Variants in PTPN13 observed in about 807,000 individuals in gnomAD.
PTPN13 encodes the protein protein tyrosine phosphatase non-receptor type 13.
A neutral mutation model predicts 284.0 loss-of-function variants in PTPN13; 191 were observed. The ratio of observed to expected loss-of-function variants is 0.67; its 90% CI spans 0.60 to 0.76. PTPN13 has a LOEUF of 0.76. PTPN13 is among the 30% of genes least tolerant of loss of function. The pLI is 0.00. For synonymous variants in PTPN13, 986 were observed against 1,022.3 expected (o/e 0.96, Z 0.68); for missense variants, 2,797 against 2,939.9 (o/e 0.95, Z 1.12).
At chr4:86,696,117 AGTC>A (rs1730569576) in intron 6 of PTPN13, among the ~76,000 whole-genome samples, 1 of 151,966 alleles carries the variant, frequency 6.6e-6, no homozygotes, top group African/African-American at 2.4e-5. Flanking sequence ...GATTATACTG[AGTC>A]TATACCTACT....
chr4:86,604,699 C>T (rs1332666703), intron 1 of PTPN13, among the ~76,000 whole-genome samples: 1 of 151,748 alleles, frequency 6.6e-6, no homozygotes, highest in Non-Finnish European at 1.5e-5. Context: ...AAAATAGCAA[C>T]AATTAGAAAT....
At chr4:86,694,579 C>CAAAA (rs1000226646) in intron 6 of PTPN13, among the ~76,000 whole-genome samples, 169 of 30,830 alleles carry the variant, frequency 5.5e-3, no homozygotes, top group African/African-American at 8.0e-3. Flanking sequence ...ACTTCTGTCT[C>CAAAA]AAAAAAAAAA....
chr4:86,704,039 A>G (rs1731454392), intron 7 of PTPN13, among the ~76,000 whole-genome samples: 1 of 151,786 alleles, frequency 6.6e-6, no homozygotes, highest in Non-Finnish European at 1.5e-5. Context: ...TTAGCCAGGC[A>G]TGGTGGTGCA....
At chr4:86,599,339 A>G (rs1196671924) in intron 1 of PTPN13, among the ~76,000 whole-genome samples, 1 of 152,174 alleles carries the variant, frequency 6.6e-6, no homozygotes, top group Non-Finnish European at 1.5e-5. Context: ...AGAAGCATCT[A>G]TGTATATGCC....
At chr4:86,734,204 A>T in intron 12 of PTPN13, 99 bp from the exon 13 acceptor site, 1 of 927,804 alleles carries the variant, frequency 1.1e-6, no homozygotes, top group Non-Finnish European at 1.6e-6. Context: ...TTCTCATATG[A>T]TACTCTTTTA....
At chr4:86,796,295 A>G (rs1185164806) in intron 40 of PTPN13, among the ~76,000 whole-genome samples, 1 of 151,952 alleles carries the variant, frequency 6.6e-6, no homozygotes, top group Non-Finnish European at 1.5e-5. Flanking sequence ...TCACACTTTC[A>G]TCTTTTTCAT....
chr4:86,743,663 T>A (rs188891586), intron 16 of PTPN13, among the ~76,000 whole-genome samples: 424 of 152,276 alleles, frequency 2.8e-3, no homozygotes, highest in Non-Finnish European at 2.2e-3. Flanking sequence ...AATTTAACAA[T>A]GTTGTTATAT....
At chr4:86,600,431 ACT>A (rs1491468100) in intron 1 of PTPN13, among the ~76,000 whole-genome samples, 3 of 46,902 alleles carry the variant, frequency 6.4e-5, no homozygotes, top group African/African-American at 2.1e-4. Context: ...TTACATAACC[ACT>A]TTTTTTTTTT....
At chr4:86,727,407 C>T (rs1734405226) in intron 10 of PTPN13, among the ~76,000 whole-genome samples, 1 of 149,498 alleles carries the variant, frequency 6.7e-6, no homozygotes. Flanking sequence ...CCTCTTTGTA[C>T]CTCTGGTAGA....
At chr4:86,758,580 A>T in intron 21 of PTPN13, 98 bp from the exon 22 acceptor site, 2 of 1,075,060 alleles carry the variant, frequency 1.9e-6, no homozygotes, top group Non-Finnish European at 2.8e-6. Context: ...TAATCATTTG[A>T]TATCAATAGT....
At chr4:86,646,701 A>G (rs1724468240) in intron 2 of PTPN13, among the ~76,000 whole-genome samples, 1 of 152,234 alleles carries the variant, frequency 6.6e-6, no homozygotes. Flanking sequence ...CCTGCCATAT[A>G]CACTCCTAGT....
intron 26 of PTPN13, 90 bp from the exon 27 acceptor site, chr4:86,766,342 C>T (rs1420459397): frequency 4.9e-6 from 5 of 1,018,966 alleles, no homozygotes; most frequent in Non-Finnish European, 7.2e-6. Context: ...GCCTGAGTCC[C>T]TCCTCAAACA....
chr4:86,701,471 G>A lies in PTPN13; in HGVS notation c.865G>A (p.Gly289Ser), dbSNP rs61730646. ...TGGCCCAGAAAAAAAACCCATCCCT[G>A]GCATTGATGTGCTTTCTAAGAAGAA... ...TSGPEKKPIP[G>S]IDVLSKKKIW... The change falls in exon 7 of 48, where the codon GGC (glycine) becomes AGC (serine). Residue 289 changes from glycine (G) to serine (S), a missense_variant. Transcript: ENST00000411767. The A allele has an allele frequency of 0.011, 18,095 of 1,613,760 alleles. 200 individuals are homozygous for A. The highest frequency in any genetic ancestry group is 0.031 in the South Asian group (2,789 of 91,060).
chr4:86,644,920 A>G (rs140848362), intron 2 of PTPN13, among the ~76,000 whole-genome samples: 1 of 152,098 alleles, frequency 6.6e-6, no homozygotes, highest in Admixed American at 6.6e-5. Flanking sequence ...AAAGCTCTCA[A>G]CTCAACGCCG....
chr4:86,814,473 C>T lies in PTPN13; in HGVS notation c.7380C>T (p.Cys2460=). The T allele has an allele frequency of 6.2e-7, 1 of 1,611,514 alleles. No homozygotes were observed. The highest frequency in any genetic ancestry group is 8.5e-7 in the Non-Finnish European group (1 of 1,178,348). The change falls in exon 48 of 48, where the codon TGC becomes TGT. Residue 2460 remains cysteine, a synonymous_variant. Transcript: ENST00000411767. ...MVQTEDQYIF[C]YQVILYVLTR... ...GGCCATAGGATCAATATATTTTCTG[C>T]TATCAAGTCATCCTTTATGTCCTGA...
At chr4:86,721,921 T>A (rs1265692087) in intron 9 of PTPN13, among the ~76,000 whole-genome samples, 2 of 151,546 alleles carry the variant, frequency 1.3e-5, no homozygotes, top group Non-Finnish European at 2.9e-5. Flanking sequence ...ATTTGTTGTA[T>A]TTTTTTGTAG....
intron 2 of PTPN13, among the ~76,000 whole-genome samples, chr4:86,659,430 A>C (rs1043976992): frequency 1.3e-5 from 2 of 152,214 alleles, no homozygotes; most frequent in African/African-American, 4.8e-5. Context: ...GCATACTTAG[A>C]AGTTTTCCAA....
intron 45 of PTPN13, 83 bp downstream of exon 45, chr4:86,807,980 A>G (rs1297770029): frequency 4.2e-6 from 5 of 1,194,770 alleles, no homozygotes; most frequent in East Asian, 2.4e-5. Context: ...GATTGCACCA[A>G]TGTTATTTCT....
rs373333133 is a variant in PTPN13, at chr4:86,787,760, G to T, written c.6345+1824G>T. On this transcript the variant is annotated intron_variant, in intron 40 of 47. Coordinates refer to ENST00000411767, the MANE Select transcript of PTPN13 (RefSeq NM_080683.3). The stretch of plus-strand genomic sequence containing the variant: ...GTTTTATCACATGGTTCTGAATTTG[G>T]TTTTCACTTAACAATCATTACCCTC... Among the ~76,000 whole-genome samples, 5 of 151,980 alleles carry T rather than the reference G, an allele frequency of 3.3e-5. No individual in the cohort carries two copies. In the East Asian group the frequency reaches 5.8e-4, roughly 18 times the overall value.
Sources: gnomAD v4.1 joint callset for allele counts (sites outside exome capture counted in the v4.1 genomes callset) on GRCh38, gnomAD v4.1.1 for gene constraint, MANE v1.5 for transcripts, NCBI Gene and HGNC (gene_info 2026-07-23, HGNC 2026-07-21) for gene names.